KLHL8: variants seen among roughly 807,000 people sequenced by gnomAD.
KLHL8 encodes the protein kelch like family member 8, also known as kelch-like protein 8.
Under a neutral mutation model 63.5 loss-of-function variants are expected in KLHL8, and 38 were observed. The observed-to-expected ratio is 0.60, with a 90% CI of 0.46 to 0.78. KLHL8 has a LOEUF of 0.78. KLHL8 is among the 30% of genes least tolerant of loss of function. The probability of loss-of-function intolerance (pLI) is 0.00; values close to 1 mark genes in which losing one functional copy is unlikely to be tolerated. For missense variants in KLHL8, 566 were observed against 752.4 expected, an observed-to-expected ratio of 0.75 and a Z score of 2.90; for synonymous variants, 224 against 254.3, an observed-to-expected ratio of 0.88 and a Z score of 1.13.
At chr4:87,226,621 A>ATATATATTACTTATATAAATAAT (rs1732982835) in intron 1 of KLHL8, among the ~76,000 whole-genome samples, 2 of 49,442 alleles carry the variant, frequency 4.0e-5, no homozygotes, top group African/African-American at 2.0e-4. Context: ...TTATATAAAT[A>ATATATATTACTTATATAAATAAT]ATATATATTA....
chr4:87,164,303 T>C (rs1306096470), intron 8 of KLHL8, among the ~76,000 whole-genome samples: 2 of 151,900 alleles, frequency 1.3e-5, no homozygotes, highest in Non-Finnish European at 2.9e-5. Context: ...TCCTCAATAC[T>C]AGGATTAAAG....
chr4:87,239,281 A>T lies in KLHL8; in HGVS notation n.57+977T>A, dbSNP rs570761037. 4.6e-5 allele frequency among the ~76,000 whole-genome samples: 7 copies of T among 152,360 alleles called. No homozygotes were observed. The South Asian group carries it at 1.0e-3, about 23-fold the overall frequency. ...TGCGCAGTAAATATTTGTTTGCTTG[A>T]TGAATGAATAAAGTTGTGACTCTTT... On this transcript the variant is annotated intron_variant and non_coding_transcript_variant, in intron 1 of 1. Transcript: ENST00000506274.
chr4:87,179,014 A>G (rs1183778055), intron 4 of KLHL8, among the ~76,000 whole-genome samples: 2 of 152,134 alleles, frequency 1.3e-5, no homozygotes, highest in African/African-American at 4.8e-5. Context: ...TTTTGTCTCC[A>G]ATCATCTATT....
chr4:87,205,937 T>C (rs1732111244), intron 1 of KLHL8, among the ~76,000 whole-genome samples: 1 of 152,208 alleles, frequency 6.6e-6, no homozygotes, highest in African/African-American at 2.4e-5. Context: ...CAAAGCACTT[T>C]AGAAGTGAAA....
At chr4:87,233,959 C>T (rs1389134657) in intron 1 of KLHL8, among the ~76,000 whole-genome samples, 1 of 152,048 alleles carries the variant, frequency 6.6e-6, no homozygotes, top group Non-Finnish European at 1.5e-5. Flanking sequence ...CATAAACTAC[C>T]AAAAATGCAA....
intron 1 of KLHL8, among the ~76,000 whole-genome samples, chr4:87,211,703 T>C (rs1205548779): frequency 6.6e-6 from 1 of 151,928 alleles, no homozygotes; most frequent in Non-Finnish European, 1.5e-5. Context: ...GAGATGGAGG[T>C]TGCAATGAGC....
chr4:87,179,733 C>T (rs1289224669), intron 4 of KLHL8, among the ~76,000 whole-genome samples: 1 of 152,040 alleles, frequency 6.6e-6, no homozygotes, highest in African/African-American at 2.4e-5. Context: ...GCTATGATTG[C>T]ACCACTGCAC....
intron 1 of KLHL8, among the ~76,000 whole-genome samples, chr4:87,236,246 T>C (rs971829190): frequency 4.0e-5 from 6 of 151,134 alleles, no homozygotes; most frequent in Admixed American, 6.6e-5. Flanking sequence ...TCTCGCTCTG[T>C]AGCCCAGGCT....
upstream of KLHL8, among the ~76,000 whole-genome samples, chr4:87,224,591 T>C (rs12645763): frequency 0.25 from 38,487 of 152,116 alleles, 5,410 homozygotes; most frequent in Non-Finnish European, 0.31. Flanking sequence ...TATCTTCCTG[T>C]CCAGGTCAGG....
At chr4:87,216,125 C>T (rs573536837) in intron 1 of KLHL8, among the ~76,000 whole-genome samples, 14 of 152,288 alleles carry the variant, frequency 9.2e-5, no homozygotes, top group African/African-American at 3.1e-4. Context: ...TTCTCTGCCT[C>T]CACTGTATTG....
intron 4 of KLHL8, among the ~76,000 whole-genome samples, chr4:87,179,842 A>T (rs890141008): frequency 1.4e-5 from 2 of 145,916 alleles, no homozygotes; most frequent in East Asian, 2.0e-4. Context: ...TACCACAATT[A>T]AAAAAAAAAA....
rs1305988976 is a variant in KLHL8, at chr4:87,170,749, GATCT to G, written c.1209-138_1209-135del. The G allele has an allele frequency of 1.4e-5, 11 of 810,404 alleles. No individual in the cohort carries two copies. The South Asian group carries it at 1.9e-4, about 14-fold the overall frequency. The allele number at this position is 810,404 out of a possible 1,614,324, so 50.2% of individuals were successfully genotyped here. On this transcript the variant is annotated intron_variant, in intron 6 of 9. Coordinates refer to ENST00000273963, the MANE Select transcript of KLHL8 (RefSeq NM_020803.5). ...GTATAGTTTGTTTCCATTATTTTTA[GATCT>G]ATCAAAGCTTTTGACTAGATGGCTA...
chr4:87,236,017 T>A (rs903392448), intron 1 of KLHL8, among the ~76,000 whole-genome samples: 2 of 152,088 alleles, frequency 1.3e-5, no homozygotes, highest in African/African-American at 4.8e-5. Flanking sequence ...GCGCTCTGCC[T>A]CCAAGTTGGT....
At chr4:87,231,144 G>A (rs766099620) in intron 1 of KLHL8, among the ~76,000 whole-genome samples, 14 of 152,092 alleles carry the variant, frequency 9.2e-5, no homozygotes, top group Non-Finnish European at 1.6e-4. Flanking sequence ...AAATCACAGC[G>A]GCCTCACCTG....
Position 87,215,717 on chromosome 4 carries a change from T to G in KLHL8, c.-152+4701A>C, listed in dbSNP as rs1002720902. On this transcript the variant is annotated intron_variant, in intron 1 of 9. Coordinates refer to ENST00000273963, the MANE Select transcript of KLHL8 (RefSeq NM_020803.5). ...AACGCTTATTCTTATAAGAATAAACTCAGATTTAAAAGTATGTCCGATTCA... is the reference window on the plus strand; with the variant it reads ...AACGCTTATTCTTATAAGAATAAACGCAGATTTAAAAGTATGTCCGATTCA... 2.6e-5 allele frequency among the ~76,000 whole-genome samples: 4 copies of G among 152,270 alleles called. No homozygotes were observed. The East Asian group carries it at 7.7e-4, about 29-fold the overall frequency.
intron 2 of KLHL8, among the ~76,000 whole-genome samples, chr4:87,189,857 G>T (rs537086214): frequency 1.7e-4 from 25 of 150,956 alleles, no homozygotes; most frequent in African/African-American, 4.9e-4. Context: ...GTGAAACCCC[G>T]TCTATACTGA....
intron 1 of KLHL8, among the ~76,000 whole-genome samples, chr4:87,238,927 A>T (rs999292929): frequency 1.3e-5 from 2 of 152,198 alleles, no homozygotes; most frequent in African/African-American, 4.8e-5. Flanking sequence ...AACAATTAGC[A>T]GTCAAATTTA....
chr4:87,187,684 A>G (rs150172262), intron 2 of KLHL8, among the ~76,000 whole-genome samples: 127 of 152,122 alleles, frequency 8.3e-4, no homozygotes, highest in Non-Finnish European at 1.4e-3. Context: ...TACTTCACGT[A>G]TTTTTTATAC....
intron 1 of KLHL8, among the ~76,000 whole-genome samples, chr4:87,237,870 T>A (rs1733259385): frequency 1.3e-5 from 2 of 151,992 alleles, no homozygotes; most frequent in Non-Finnish European, 2.9e-5. Flanking sequence ...AATAATGAGT[T>A]CTGTTTTTGC....
Sources: gnomAD v4.1 joint callset for allele counts (sites outside exome capture counted in the v4.1 genomes callset) on GRCh38, gnomAD v4.1.1 for gene constraint, MANE v1.5 for transcripts, NCBI Gene and HGNC (gene_info 2026-07-23, HGNC 2026-07-21) for gene names.